Variants in RAD51B observed in about 807,000 individuals in gnomAD.
RAD51B encodes RAD51 paralog B, also known as DNA repair protein RAD51 homolog 2.
In RAD51B, 38 loss-of-function variants were observed where a neutral mutation model predicts 42.2. The observed-to-expected ratio is 0.90, with a 90% CI of 0.70 to 1.18. RAD51B has a LOEUF of 1.18. Ranked by LOEUF, RAD51B falls within the 50% of genes most tolerant of loss-of-function variation. The pLI is 0.00. For missense variants in RAD51B, 373 were observed against 400.7 expected (o/e 0.93, Z 0.59); for synonymous variants, 154 against 145.2 (o/e 1.06, Z -0.43).
intron 10 of RAD51B, among the ~76,000 whole-genome samples, chr14:68,518,563 C>G (rs943299235): frequency 9.3e-5 from 14 of 151,054 alleles, no homozygotes; most frequent in Non-Finnish European, 1.5e-5. Context: ...AGCCCCCCCC[C>G]CAGGCCTCCC....
At chr14:67,931,506 T>C (rs2140158518) in intron 7 of RAD51B, among the ~76,000 whole-genome samples, 1 of 147,658 alleles carries the variant, frequency 6.8e-6, no homozygotes, top group Non-Finnish European at 1.5e-5. Context: ...ATTTCTTTTT[T>C]TTTTTTTTTT....
At chr14:68,084,813 A>T (rs1388239252) in intron 7 of RAD51B, among the ~76,000 whole-genome samples, 1 of 152,128 alleles carries the variant, frequency 6.6e-6, no homozygotes, top group Non-Finnish European at 1.5e-5. Flanking sequence ...AATACTGATG[A>T]CTTGTACGCT....
chr14:67,981,283 A>G (rs1375640316), intron 7 of RAD51B, among the ~76,000 whole-genome samples: 1 of 152,238 alleles, frequency 6.6e-6, no homozygotes, highest in Non-Finnish European at 1.5e-5. Context: ...AAATAAAAGA[A>G]AAAAATAAAA....
chr14:67,945,001 A>C (rs2140190489), intron 7 of RAD51B, among the ~76,000 whole-genome samples: 1 of 152,340 alleles, frequency 6.6e-6, no homozygotes, highest in East Asian at 1.9e-4. Context: ...CCTACCTTGA[A>C]TATATTACTG....
chr14:68,123,894 A>G (rs140800092), intron 7 of RAD51B, among the ~76,000 whole-genome samples: 18 of 152,330 alleles, frequency 1.2e-4, no homozygotes, highest in Non-Finnish European at 1.6e-4. Flanking sequence ...TGCACAAGCA[A>G]CTGCATGGAA....
chr14:68,292,380 G>A (rs2081533853), intron 8 of RAD51B, among the ~76,000 whole-genome samples: 1 of 152,176 alleles, frequency 6.6e-6, no homozygotes, highest in Non-Finnish European at 1.5e-5. Context: ...TCATGTGCCA[G>A]AGATATGACA....
intron 7 of RAD51B, among the ~76,000 whole-genome samples, chr14:68,129,574 AT>A (rs1359035465): frequency 6.6e-6 from 1 of 152,140 alleles, no homozygotes; most frequent in Non-Finnish European, 1.5e-5. Context: ...AATTTACACA[AT>A]TTTCTTAAAT....
chr14:68,463,847 G>A lies in RAD51B; in HGVS notation c.958-4325G>A, dbSNP rs2085908306. ...GCCCCAGTCCAAACACATTGCATCAGGCATGGTTTCCTGGGTGAGGAGGAG... is the reference window on the plus strand; with the variant it reads ...GCCCCAGTCCAAACACATTGCATCAAGCATGGTTTCCTGGGTGAGGAGGAG... On this transcript the variant is annotated intron_variant, in intron 9 of 10. Coordinates refer to ENST00000471583, the MANE Select transcript of RAD51B (RefSeq NM_133510.4). Among the ~76,000 whole-genome samples the A allele has an allele frequency of 3.3e-5, 5 of 152,252 alleles. No individual in the cohort carries two copies. In the South Asian group the frequency reaches 1.0e-3, roughly 32 times the overall value.
chr14:67,990,581 C>T (rs2140291269), intron 7 of RAD51B, among the ~76,000 whole-genome samples: 1 of 152,194 alleles, frequency 6.6e-6, no homozygotes, highest in South Asian at 2.1e-4. Flanking sequence ...AGTTTGTTTA[C>T]TCGAGAGGCA....
intron 8 of RAD51B, among the ~76,000 whole-genome samples, chr14:68,312,221 C>T (rs982995620): frequency 2.0e-5 from 3 of 152,168 alleles, no homozygotes; most frequent in African/African-American, 4.8e-5. Context: ...GCTCAGCCTG[C>T]ACTGACACTT....
intron 7 of RAD51B, among the ~76,000 whole-genome samples, chr14:68,050,623 G>A (rs2076376971): frequency 2.0e-5 from 3 of 152,044 alleles, no homozygotes; most frequent in Non-Finnish European, 2.9e-5. Context: ...CTCACACATC[G>A]ACATGAGTAC....
At position 68,048,168 on chromosome 14, in the gene RAD51B, G is replaced by A. The variant is rs984459294; in HGVS notation, c.756+160964G>A. On this transcript the variant is annotated intron_variant, in intron 7 of 10. Transcript: ENST00000471583. ...AGAGGTTAAGATCGGCCCGCCTAAA[G>A]CTTATATAATAGAACTGAGTCAGTG... Among the ~76,000 whole-genome samples the A allele has an allele frequency of 1.3e-4, 20 of 152,310 alleles. 1 individual carries two copies. Among genetic ancestry groups the A allele is most frequent in the African/African-American group, 3.8e-4 (16 of 41,574 alleles).
At chr14:68,224,927 G>A (rs1269864920) in intron 7 of RAD51B, among the ~76,000 whole-genome samples, 5 of 151,974 alleles carry the variant, frequency 3.3e-5, no homozygotes, top group Non-Finnish European at 7.4e-5. Context: ...TCCTGATCTC[G>A]TGATCCACCC....
At chr14:68,020,031 T>C (rs1566583112) in intron 7 of RAD51B, among the ~76,000 whole-genome samples, 1 of 152,196 alleles carries the variant, frequency 6.6e-6, no homozygotes, top group East Asian at 1.9e-4. Flanking sequence ...AGCTAAGCTT[T>C]GGGGTTCTTA....
At chr14:68,436,698 C>G (rs1038905052) in intron 9 of RAD51B, among the ~76,000 whole-genome samples, 2 of 152,136 alleles carry the variant, frequency 1.3e-5, no homozygotes, top group African/African-American at 4.8e-5. Context: ...TTTCTTTTAG[C>G]AGTTACTTGT....
chr14:67,944,201 ATTT>A (rs370785745), intron 7 of RAD51B, among the ~76,000 whole-genome samples: 220 of 130,076 alleles, frequency 1.7e-3, no homozygotes, highest in African/African-American at 5.3e-3. Flanking sequence ...AGAAGTAAAG[ATTT>A]TTTTTTTTTT....
intron 7 of RAD51B, among the ~76,000 whole-genome samples, chr14:68,040,435 T>C (rs1376149134): frequency 6.6e-6 from 1 of 152,236 alleles, no homozygotes; most frequent in East Asian, 1.9e-4. Flanking sequence ...ATAATACTCA[T>C]GAAATCTTGG....
chr14:68,166,003 A>G (rs1035040362), intron 7 of RAD51B, among the ~76,000 whole-genome samples: 6 of 152,110 alleles, frequency 3.9e-5, no homozygotes, highest in Admixed American at 3.9e-4. Context: ...GCACAGTACC[A>G]TGAATATTGT....
chr14:68,171,531 C>T (rs780832421), intron 7 of RAD51B, among the ~76,000 whole-genome samples: 6 of 151,988 alleles, frequency 3.9e-5, no homozygotes, highest in Non-Finnish European at 7.4e-5. Context: ...AAACTCCTGA[C>T]CTCAGGTGAT....
Sources: gnomAD v4.1 joint callset for allele counts (sites outside exome capture counted in the v4.1 genomes callset) on GRCh38, gnomAD v4.1.1 for gene constraint, MANE v1.5 for transcripts, NCBI Gene and HGNC (gene_info 2026-07-23, HGNC 2026-07-21) for gene names.